PCDH15: variants seen among roughly 807,000 people sequenced by gnomAD.
PCDH15 encodes the protein protocadherin-15.
In PCDH15, 129 loss-of-function variants were observed where a neutral mutation model predicts 178.5. The observed-to-expected ratio is 0.72, with a 90% CI of 0.63 to 0.84. The LOEUF is 0.84. Ranked by LOEUF, PCDH15 falls within the 40% of genes least tolerant of loss-of-function variation. The pLI is 0.00. For synonymous variants in PCDH15, 800 were observed against 732.0 expected (o/e 1.09, Z -1.50); for missense variants, 2,230 against 2,099.9 (o/e 1.06, Z -1.21).
intron 6 of PCDH15, among the ~76,000 whole-genome samples, chr10:54,344,978 ATT>A (rs1491412038): frequency 2.9e-5 from 4 of 136,290 alleles, no homozygotes; most frequent in African/African-American, 5.6e-5. Context: ...ATATATATAT[ATT>A]ATATATATAT....
intron 8 of PCDH15, among the ~76,000 whole-genome samples, chr10:54,267,105 G>A (rs1186645504): frequency 6.6e-6 from 1 of 151,846 alleles, no homozygotes; most frequent in Non-Finnish European, 1.5e-5. Flanking sequence ...TTATTCCTGG[G>A]ATGCAAGGGT....
chr10:55,626,381 C>T (rs1029608109), intron 2 of PCDH15, among the ~76,000 whole-genome samples: 26 of 151,976 alleles, frequency 1.7e-4, no homozygotes, highest in Non-Finnish European at 7.4e-5. Flanking sequence ...TGGATAAAAC[C>T]GTCTAATATT....
At chr10:54,107,659 G>A (rs1475073098) in intron 15 of PCDH15, among the ~76,000 whole-genome samples, 4 of 152,198 alleles carry the variant, frequency 2.6e-5, no homozygotes, top group Admixed American at 6.5e-5. Flanking sequence ...CCCATGAAGT[G>A]GGGGACAGCA....
intron 1 of PCDH15, among the ~76,000 whole-genome samples, chr10:54,686,180 T>C (rs1477842392): frequency 6.8e-6 from 1 of 147,782 alleles, no homozygotes; most frequent in Non-Finnish European, 1.5e-5. Context: ...TCGGCCAAGA[T>C]AGCCAATTTT....
intron 13 of PCDH15, among the ~76,000 whole-genome samples, chr10:54,168,138 C>T (rs2046460142): frequency 6.6e-6 from 1 of 152,046 alleles, no homozygotes; most frequent in Non-Finnish European, 1.5e-5. Context: ...GCCGCTTGAC[C>T]CCAATACAAA....
intron 1 of PCDH15, among the ~76,000 whole-genome samples, chr10:55,240,036 A>G (rs921736989): frequency 6.6e-6 from 1 of 152,156 alleles, no homozygotes; most frequent in African/African-American, 2.4e-5. Flanking sequence ...ACAGGCAACA[A>G]TGAAGGATGT....
At chr10:55,605,015 A>G (rs1416831259) in intron 2 of PCDH15, among the ~76,000 whole-genome samples, 3 of 152,132 alleles carry the variant, frequency 2.0e-5, no homozygotes, top group Non-Finnish European at 2.9e-5. Context: ...TAATAAAGAA[A>G]ACAAGAGAGA....
At chr10:55,070,310 T>C (rs1389032166) in intron 2 of PCDH15, among the ~76,000 whole-genome samples, 2 of 152,056 alleles carry the variant, frequency 1.3e-5, no homozygotes, top group African/African-American at 4.8e-5. Flanking sequence ...ATTTTGGCTT[T>C]TGTTGCCATT....
intron 26 of PCDH15, among the ~76,000 whole-genome samples, chr10:53,895,434 G>T (rs1281666844): frequency 6.6e-6 from 1 of 151,888 alleles, no homozygotes; most frequent in African/African-American, 2.4e-5. Context: ...CTTAAATTTG[G>T]CATCTTTAAT....
At chr10:54,472,315 G>T (rs1167203388) in intron 3 of PCDH15, among the ~76,000 whole-genome samples, 1 of 151,676 alleles carries the variant, frequency 6.6e-6, no homozygotes. Context: ...AATTTGATGG[G>T]AAAACTAGAC....
At chr10:55,095,092 G>C (rs1483817453) in intron 2 of PCDH15, among the ~76,000 whole-genome samples, 1 of 151,630 alleles carries the variant, frequency 6.6e-6, no homozygotes, top group Non-Finnish European at 1.5e-5. Flanking sequence ...GGCTAATTTT[G>C]TTGTTGTTGT....
Position 54,301,189 on chromosome 10 carries a change from G to C in PCDH15, c.876+16082C>G, listed in dbSNP as rs142723615. Among the ~76,000 whole-genome samples, 393 of 152,282 alleles carry C rather than the reference G, an allele frequency of 2.6e-3. 1 individual carries two copies. Among genetic ancestry groups the C allele is most frequent in the African/African-American group, 7.1e-3 (295 of 41,562 alleles). On this transcript the variant is annotated intron_variant, in intron 8 of 37. Transcript: ENST00000644397. Reference sequence around the variant, plus strand: ...TCATTCTTGAAGTCAGTGAAACCAAGAACCCACTGGAAGGAACAAATTCTG... The same window carrying C: ...TCATTCTTGAAGTCAGTGAAACCAACAACCCACTGGAAGGAACAAATTCTG...
chr10:54,405,138 A>G (rs2135535500), intron 3 of PCDH15, among the ~76,000 whole-genome samples: 1 of 152,230 alleles, frequency 6.6e-6, no homozygotes, highest in South Asian at 2.1e-4. Context: ...CCGACCCTGC[A>G]ATCCCATTAC....
intron 2 of PCDH15, among the ~76,000 whole-genome samples, chr10:55,412,095 AAAC>A (rs1208456759): frequency 6.6e-6 from 1 of 151,942 alleles, no homozygotes; most frequent in Non-Finnish European, 1.5e-5. Context: ...GCAAATGTGA[AAAC>A]ATCAGAGCAG....
At chr10:55,013,055 C>A (rs1351819738) in intron 2 of PCDH15, among the ~76,000 whole-genome samples, 1 of 152,074 alleles carries the variant, frequency 6.6e-6, no homozygotes. Flanking sequence ...GGATACTATG[C>A]GTTTATTGCC....
chr10:53,866,397 T>G (rs1453526810), intron 27 of PCDH15, among the ~76,000 whole-genome samples: 1 of 151,004 alleles, frequency 6.6e-6, no homozygotes, highest in African/African-American at 2.4e-5. Context: ...AATATTATAA[T>G]GTTTTTCTCA....
intron 1 of PCDH15, among the ~76,000 whole-genome samples, chr10:55,281,437 CTTTTTT>C (rs1564964057): frequency 6.7e-6 from 1 of 149,214 alleles, no homozygotes; most frequent in Admixed American, 6.7e-5. Flanking sequence ...TTTTCTTTTT[CTTTTTT>C]TAATAAAACT....
chr10:55,372,163 G>T (rs534481319), intron 2 of PCDH15, among the ~76,000 whole-genome samples: 1 of 152,044 alleles, frequency 6.6e-6, no homozygotes, highest in East Asian at 1.9e-4. Flanking sequence ...CCTGGAAAAT[G>T]TATAGGGCAC....
chr10:54,323,083 A>C (rs61853347), intron 7 of PCDH15, among the ~76,000 whole-genome samples: 1 of 151,986 alleles, frequency 6.6e-6, no homozygotes, highest in Non-Finnish European at 1.5e-5. Context: ...AAAATAAGAC[A>C]TACATGCAGC....
Sources: allele counts gnomAD v4.1 joint callset (sites outside exome capture counted in the v4.1 genomes callset), GRCh38; gene constraint gnomAD v4.1.1; transcripts MANE v1.5; gene names NCBI Gene and HGNC (gene_info 2026-07-23, HGNC 2026-07-21).